GRAMD1C: variants seen among roughly 807,000 people sequenced by gnomAD.
GRAMD1C encodes the protein protein Aster-C.
In GRAMD1C, 89 loss-of-function variants were observed where a neutral mutation model predicts 97.8. The observed-to-expected ratio is 0.91, with a 90% CI of 0.77 to 1.09. The LOEUF is 1.09. Ranked by LOEUF, GRAMD1C falls within the 50% of genes least tolerant of loss-of-function variation. GRAMD1C has a pLI of 0.00. For missense variants in GRAMD1C, 740 were observed against 766.4 expected (o/e 0.97, Z 0.41); for synonymous variants, 256 against 267.0 (o/e 0.96, Z 0.40).
intron 2 of GRAMD1C, among the ~76,000 whole-genome samples, chr3:113,858,393 C>CTT (rs200917151): frequency 2.0e-4 from 15 of 76,602 alleles, no homozygotes; most frequent in Non-Finnish European, 2.4e-4. Context: ...ATCCCAGCTA[C>CTT]ATTTTTTTTT....
intron 6 of GRAMD1C, among the ~76,000 whole-genome samples, chr3:113,891,729 T>A (rs1194415768): frequency 6.7e-6 from 1 of 149,140 alleles, no homozygotes; most frequent in Non-Finnish European, 1.5e-5. Context: ...AAAAAAAAGT[T>A]AAAAAAAATT....
intron 1 of GRAMD1C, among the ~76,000 whole-genome samples, chr3:113,840,597 A>G (rs988535208): frequency 2.0e-5 from 3 of 152,050 alleles, no homozygotes; most frequent in Admixed American, 6.5e-5. Flanking sequence ...AAAAAAAAAG[A>G]AAGAAAAATT....
chr3:113,909,420 G>A (rs973197122), intron 9 of GRAMD1C, among the ~76,000 whole-genome samples: 3 of 152,142 alleles, frequency 2.0e-5, no homozygotes, highest in Non-Finnish European at 2.9e-5. Context: ...ATGCTCACAC[G>A]TCATAGGTAG....
chr3:113,869,766 A>G (rs1934720547), intron 3 of GRAMD1C, among the ~76,000 whole-genome samples, 175 bp downstream of exon 3: 1 of 152,234 alleles, frequency 6.6e-6, no homozygotes, highest in Admixed American at 6.5e-5. Flanking sequence ...TCCAAAAGAA[A>G]GGAAATCAAT....
intron 10 of GRAMD1C, chr3:113,920,324 TC>T (rs745732302): frequency 2.6e-6 from 1 of 386,966 alleles, no homozygotes; most frequent in Non-Finnish European, 4.7e-6. Flanking sequence ...ATATTAGTCT[TC>T]CTTTATCTTA....
At chr3:113,890,806 G>T in intron 6 of GRAMD1C, 1 of 689,174 alleles carries the variant, frequency 1.5e-6, no homozygotes, top group Non-Finnish European at 2.6e-6. Flanking sequence ...CCAGGGAAGT[G>T]ATAAAGTTCA....
intron 6 of GRAMD1C, among the ~76,000 whole-genome samples, chr3:113,887,851 A>C (rs1271037064): frequency 1.3e-5 from 2 of 152,140 alleles, no homozygotes; most frequent in Non-Finnish European, 2.9e-5. Flanking sequence ...TTATAAGGAA[A>C]TATTATGAAT....
chr3:113,945,774 A>C lies in GRAMD1C; in HGVS notation c.*296A>C, dbSNP rs773843591. The C allele has an allele frequency of 3.2e-6, 1 of 309,468 alleles. No homozygotes were observed. Among genetic ancestry groups the C allele is most frequent in the Non-Finnish European group, 6.0e-6 (1 of 167,006 alleles). The allele number at this position is 309,468 out of a possible 1,614,324, so 19.2% of individuals were successfully genotyped here. A position where few individuals can be genotyped will look rare whatever the true frequency, so the allele number is the denominator to read the frequency against. On this transcript the variant is annotated 3_prime_UTR_variant, in exon 18 of 18. Transcript: ENST00000358160. Reference sequence around the variant, plus strand: ...ACAAAAAGAAAATGACACACCCTGAATTGAGTGGTATGGTCTCATTTCTAC... The same window carrying C: ...ACAAAAAGAAAATGACACACCCTGACTTGAGTGGTATGGTCTCATTTCTAC...
chr3:113,904,729 C>T (rs1388211842), intron 8 of GRAMD1C, among the ~76,000 whole-genome samples: 1 of 151,984 alleles, frequency 6.6e-6, no homozygotes, highest in Non-Finnish European at 1.5e-5. Context: ...GCTTTTTAAG[C>T]TTTTTAAGCA....
At chr3:113,843,049 G>GTTTTTT (rs71144092) in intron 1 of GRAMD1C, among the ~76,000 whole-genome samples, 130 of 53,414 alleles carry the variant, frequency 2.4e-3, no homozygotes, top group East Asian at 3.3e-3. Context: ...ACCATAAGCT[G>GTTTTTT]TTTTTTTTTT....
intron 7 of GRAMD1C, among the ~76,000 whole-genome samples, chr3:113,902,519 C>T (rs1450743466): frequency 6.6e-6 from 1 of 152,152 alleles, no homozygotes; most frequent in Non-Finnish European, 1.5e-5. Flanking sequence ...TCAGTTTTCT[C>T]GTCTATGAAA....
intron 3 of GRAMD1C, among the ~76,000 whole-genome samples, chr3:113,871,454 G>A (rs1934807293): frequency 6.6e-6 from 1 of 151,666 alleles, no homozygotes; most frequent in Non-Finnish European, 1.5e-5. Flanking sequence ...GCTTGCTTGA[G>A]CCCAGGAGTT....
At chr3:113,914,806 C>T (rs1245575070) in intron 9 of GRAMD1C, among the ~76,000 whole-genome samples, 1 of 151,954 alleles carries the variant, frequency 6.6e-6, no homozygotes, top group Non-Finnish European at 1.5e-5. Flanking sequence ...CACTCACTAG[C>T]CATGGAGCCT....
intron 3 of GRAMD1C, among the ~76,000 whole-genome samples, chr3:113,874,943 G>A (rs538249828): frequency 2.0e-5 from 3 of 152,170 alleles, no homozygotes; most frequent in African/African-American, 4.8e-5. Flanking sequence ...AAAGGTCATC[G>A]GTGGCATCTC....
chr3:113,834,731 C>T (rs1461264777), upstream of GRAMD1C, among the ~76,000 whole-genome samples: 4 of 147,230 alleles, frequency 2.7e-5, no homozygotes, highest in Admixed American at 1.4e-4. Flanking sequence ...GTCAGGAGTT[C>T]GAGACGAGCC....
Position 113,850,523 on chromosome 3 carries a change from G to A in GRAMD1C, c.174+5874G>A, listed in dbSNP as rs1577124192. 2.5e-6 allele frequency: 4 copies of A among 1,588,562 alleles called. No homozygotes were observed. The South Asian group carries it at 3.3e-5, about 13-fold the overall frequency. On this transcript the variant is annotated intron_variant, in intron 2 of 17. Coordinates refer to ENST00000358160, the MANE Select transcript of GRAMD1C (RefSeq NM_017577.5). ...GATACTGGATGCCCTCATTGGTAAG[G>A]TACCAGTAGAAATGTCTCCAGGCAA...
rs546985391 is a variant in GRAMD1C, at chr3:113,945,742, C to G, written c.*264C>G. 4.9e-5 allele frequency: 18 copies of G among 365,498 alleles called. No homozygotes were observed. In the South Asian group the frequency reaches 6.6e-4, roughly 13 times the overall value. 22.6% of individuals were successfully genotyped at this position (365,498 alleles called of 1,614,324 possible). On this transcript the variant is annotated 3_prime_UTR_variant, in exon 18 of 18. Coordinates refer to ENST00000358160, the MANE Select transcript of GRAMD1C (RefSeq NM_017577.5). ...TGAAATATATTATAGAACTGAATTT[C>G]TCTGATACAAAAAGAAAATGACACA...
intron 8 of GRAMD1C, among the ~76,000 whole-genome samples, chr3:113,907,685 CT>C (rs1936419079): frequency 6.6e-6 from 1 of 152,108 alleles, no homozygotes; most frequent in Non-Finnish European, 1.5e-5. Context: ...AATTAATACT[CT>C]TTGTAAAACT....
At chr3:113,870,312 T>C (rs1934744650) in intron 3 of GRAMD1C, among the ~76,000 whole-genome samples, 1 of 151,818 alleles carries the variant, frequency 6.6e-6, no homozygotes, top group Non-Finnish European at 1.5e-5. Flanking sequence ...CAGTGAGCTA[T>C]GGTGGTGTCA....
Sources: allele counts gnomAD v4.1 joint callset (sites outside exome capture counted in the v4.1 genomes callset), GRCh38; gene constraint gnomAD v4.1.1; transcripts MANE v1.5; gene names NCBI Gene and HGNC (gene_info 2026-07-23, HGNC 2026-07-21).